Variants in GSE1 observed in about 807,000 individuals in gnomAD.
GSE1 encodes the protein genetic suppressor element 1.
GSE1 carries 32 observed loss-of-function variants against 112.6 expected under a neutral mutation model. The observed-to-expected ratio is 0.28, with a 90% CI of 0.21 to 0.38. GSE1 has a LOEUF of 0.38. Ranked by LOEUF, GSE1 falls within the 10% of genes least tolerant of loss-of-function variation. The pLI, the probability that GSE1 is intolerant of heterozygous loss-of-function variation, is 1.00. For synonymous variants in GSE1, 1,115 were observed against 735.6 expected, an observed-to-expected ratio of 1.52 and a Z score of -8.35; for missense variants, 2,348 against 1,699.2, an observed-to-expected ratio of 1.38 and a Z score of -6.71.
At chr16:85,279,939 G>A (rs1365817189) in intron 1 of GSE1, among the ~76,000 whole-genome samples, 2 of 152,218 alleles carry the variant, frequency 1.3e-5, no homozygotes, top group African/African-American at 4.8e-5. Flanking sequence ...AGTGTGAGCG[G>A]TGACTCCAGG....
At chr16:85,421,714 C>G (rs2048849348) in intron 2 of GSE1, among the ~76,000 whole-genome samples, 1 of 152,048 alleles carries the variant, frequency 6.6e-6, no homozygotes, top group Non-Finnish European at 1.5e-5. Flanking sequence ...CCCCTTCCCT[C>G]GGGGAACCAA....
At chr16:85,480,382 C>T (rs901252910) in intron 2 of GSE1, among the ~76,000 whole-genome samples, 41 of 152,026 alleles carry the variant, frequency 2.7e-4, no homozygotes, top group Admixed American at 1.1e-3. Flanking sequence ...CGGCAGGGGG[C>T]GCGCGTGGCA....
At chr16:85,615,869 T>A (rs1331151911) in intron 1 of GSE1, among the ~76,000 whole-genome samples, 1 of 152,152 alleles carries the variant, frequency 6.6e-6, no homozygotes, top group African/African-American at 2.4e-5. Flanking sequence ...CCCCAGCTGA[T>A]CCTAACGTAC....
At chr16:85,604,707 C>T (rs1460577668) in intron 1 of GSE1, among the ~76,000 whole-genome samples, 18 of 70,314 alleles carry the variant, frequency 2.6e-4, no homozygotes, top group African/African-American at 5.4e-4. Flanking sequence ...ATCGCACTAC[C>T]GCGCTCCAGC....
intron 14 of GSE1, chr16:85,670,748 C>G (rs1476713672): frequency 6.8e-5 from 19 of 279,192 alleles, no homozygotes; most frequent in Non-Finnish European, 9.9e-5. Flanking sequence ...TAATCTGTAT[C>G]AAATTGCCTT....
At chr16:85,472,690 A>C (rs977604948) in intron 2 of GSE1, among the ~76,000 whole-genome samples, 3 of 152,078 alleles carry the variant, frequency 2.0e-5, no homozygotes, top group Non-Finnish European at 4.4e-5. Context: ...GCTCAGTCTG[A>C]CCCTGCTGCT....
exon 1 of GSE1, chr16:85,170,794 A>G (rs2074347115): frequency 1.0e-6 from 1 of 985,418 alleles, no homozygotes; most frequent in Non-Finnish European, 1.2e-6. Context: ...GGTGTGCGCC[A>G]GCTGCTTCTC....
intron 2 of GSE1, among the ~76,000 whole-genome samples, chr16:85,401,057 A>C (rs1250444265): frequency 6.6e-6 from 1 of 152,148 alleles, no homozygotes; most frequent in African/African-American, 2.4e-5. Context: ...CTCCGCGTGG[A>C]GGCCAAACCA....
intron 2 of GSE1, among the ~76,000 whole-genome samples, chr16:85,376,675 C>T (rs925429969): frequency 7.2e-5 from 11 of 152,200 alleles, no homozygotes; most frequent in African/African-American, 2.2e-4. Flanking sequence ...GGAGAGAGGA[C>T]GCCATGTCTG....
chr16:85,634,811 T>C lies in GSE1; in HGVS notation c.226+679T>C, dbSNP rs971600510. On this transcript the variant is annotated intron_variant, in intron 2 of 15. Transcript: ENST00000253458. ...GCCCCCTTTGGCTCTGGCTCTGGGG[T>C]ACTTTTTGGCGCCTGCGATGACCAT... Among the ~76,000 whole-genome samples the C allele has an allele frequency of 3.9e-5, 6 of 152,148 alleles. No individual in the cohort carries two copies. The South Asian group carries it at 1.2e-3, about 32-fold the overall frequency.
chr16:85,356,404 TGTCAGTG>T lies in GSE1; in HGVS notation c.2284-1050_2284-1044del, dbSNP rs529390061. Reference sequence around the variant, plus strand: ...GGCAGCACCCGGGGAGGGACACGGCTGTCAGTGGTCAGTGGCCAGTGTTGCCAGGTCC... The same window carrying T: ...GGCAGCACCCGGGGAGGGACACGGCTGTCAGTGGCCAGTGTTGCCAGGTCC... On this transcript the variant is annotated intron_variant, in intron 1 of 2. Transcript: ENST00000637419. Among the ~76,000 whole-genome samples the T allele has an allele frequency of 9.5e-4, 145 of 152,364 alleles. 2 individuals are homozygous for T. Among genetic ancestry groups the T allele is most frequent in the Middle Eastern group, 6.8e-3 (2 of 294 alleles).
chr16:85,638,627 G>A (rs2151794167), intron 2 of GSE1, among the ~76,000 whole-genome samples: 1 of 152,068 alleles, frequency 6.6e-6, no homozygotes, highest in Middle Eastern at 3.4e-3. Flanking sequence ...TGTCAATGCA[G>A]CAGGCCTCCA....
chr16:85,474,270 C>T, intron 2 of GSE1, among the ~76,000 whole-genome samples: 1 of 152,098 alleles, frequency 6.6e-6, no homozygotes, highest in East Asian at 1.9e-4. Flanking sequence ...GCAGCCTCCA[C>T]CCCGCCGGCC....
At chr16:85,515,454 T>A (rs34335274) in intron 2 of GSE1, among the ~76,000 whole-genome samples, 1 of 151,986 alleles carries the variant, frequency 6.6e-6, no homozygotes, top group African/African-American at 2.4e-5. Flanking sequence ...GGGGTCACCC[T>A]GAGAGTCTGC....
At chr16:85,297,246 G>C (rs1432243089) in intron 1 of GSE1, among the ~76,000 whole-genome samples, 1 of 152,250 alleles carries the variant, frequency 6.6e-6, no homozygotes, top group African/African-American at 2.4e-5. Context: ...GGGCCACCAG[G>C]TCAGTGGGCG....
At chr16:85,658,945 G>C (rs1421436980) in intron 8 of GSE1, among the ~76,000 whole-genome samples, 1 of 152,246 alleles carries the variant, frequency 6.6e-6, no homozygotes, top group Non-Finnish European at 1.5e-5. Flanking sequence ...GGCTGCGGTG[G>C]TTCCCCTGTG....
intron 2 of GSE1, among the ~76,000 whole-genome samples, chr16:85,431,537 C>G (rs189350893): frequency 6.6e-6 from 1 of 152,250 alleles, no homozygotes; most frequent in Non-Finnish European, 1.5e-5. Context: ...GTCCCCAGAT[C>G]TGATCCTTTG....
chr16:85,513,265 C>G (rs1412265573), intron 2 of GSE1, among the ~76,000 whole-genome samples: 1 of 152,080 alleles, frequency 6.6e-6, no homozygotes, highest in Non-Finnish European at 1.5e-5. Flanking sequence ...CCTCCCGGCT[C>G]AGAGATGGCA....
At chr16:85,374,365 AGT>A (rs1376769965) in intron 2 of GSE1, among the ~76,000 whole-genome samples, 1 of 144,674 alleles carries the variant, frequency 6.9e-6, no homozygotes, top group Non-Finnish European at 1.5e-5. Flanking sequence ...CTCGGTGTGC[AGT>A]GTGTGTCATT....
Sources: allele counts gnomAD v4.1 joint callset (sites outside exome capture counted in the v4.1 genomes callset), GRCh38; gene constraint gnomAD v4.1.1; transcripts MANE v1.5; gene names NCBI Gene and HGNC (gene_info 2026-07-23, HGNC 2026-07-21).